The following FLI1 variants were observed in gnomAD, a reference collection of about 807,000 sequenced individuals.
The protein encoded by FLI1 is Friend leukemia integration 1 transcription factor.
A neutral mutation model predicts 53.1 loss-of-function variants in FLI1; 13 were observed. The observed-to-expected ratio is 0.24, with a 90% CI of 0.16 to 0.39. The LOEUF (loss-of-function observed/expected upper bound fraction) is 0.39, where lower values mean the gene tolerates loss of function less well. FLI1 is among the 10% of genes least tolerant of loss of function. The pLI is 1.00. For missense variants in FLI1, 424 were observed against 600.5 expected (o/e 0.71, Z 3.07); for synonymous variants, 244 against 236.7 (o/e 1.03, Z -0.28).
intron 1 of FLI1, among the ~76,000 whole-genome samples, 186 bp downstream of exon 1, chr11:128,694,462 GC>G (rs11297250): frequency 1 from 152,146 of 152,146 alleles, 76,073 homozygotes; most frequent in Non-Finnish European, 1. Flanking sequence ...CCGGCCAGGC[GC>G]CCGCATTGAG....
chr11:128,768,320 CTG>C, intron 3 of FLI1, 48 bp downstream of exon 3: 1 of 1,484,978 alleles, frequency 6.7e-7, no homozygotes, highest in South Asian at 1.1e-5. Flanking sequence ...TCCCCACTCT[CTG>C]GGGGGGCAGG....
intron 5 of FLI1, among the ~76,000 whole-genome samples, chr11:128,787,292 T>G (rs1180204996): frequency 3.3e-5 from 5 of 152,166 alleles, no homozygotes; most frequent in Non-Finnish European, 7.3e-5. Context: ...GCTGGTAGTA[T>G]TATTATCCCC....
intron 4 of FLI1, among the ~76,000 whole-genome samples, chr11:128,776,215 T>G (rs533099644): frequency 6.6e-6 from 1 of 152,250 alleles, no homozygotes; most frequent in African/African-American, 2.4e-5. Context: ...GGGAGGTGCT[T>G]GTTCTTCACA....
rs10557859 is a variant in FLI1 at position 128,698,711 on chromosome 11, C to CGT, written c.18+4457_18+4458dup. Among the ~76,000 whole-genome samples the CGT allele has an allele frequency of 1.5e-3, 217 of 144,522 alleles. 1 individual carries two copies. Among genetic ancestry groups the CGT allele is most frequent in the South Asian group, 9.7e-3 (43 of 4,436 alleles). 94.8% of individuals were successfully genotyped at this position (144,522 alleles called of 152,430 possible). A position where few individuals can be genotyped will look rare whatever the true frequency, so the allele number is the denominator to read the frequency against. Reference sequence around the variant, plus strand: ...TGGAGGCAGTGTGTGTATGTGTTTGCGTGTGTGTGTGTGTGTGTGTGTGAG... The same window carrying CGT: ...TGGAGGCAGTGTGTGTATGTGTTTGCGTGTGTGTGTGTGTGTGTGTGTGTGAG... On this transcript the variant is annotated intron_variant, in intron 1 of 8. Coordinates refer to ENST00000527786, the MANE Select transcript of FLI1 (RefSeq NM_002017.5).
chr11:128,799,280 C>A (rs1343467505), intron 5 of FLI1, among the ~76,000 whole-genome samples: 1 of 151,928 alleles, frequency 6.6e-6, no homozygotes, highest in Non-Finnish European at 1.5e-5. Context: ...GTCCTTCATC[C>A]TTTATAGCCC....
At chr11:128,779,088 T>C (rs1460973780) in intron 4 of FLI1, among the ~76,000 whole-genome samples, 1 of 152,234 alleles carries the variant, frequency 6.6e-6, no homozygotes, top group East Asian at 1.9e-4. Context: ...ATGCAAGCTT[T>C]GGAGAGGTCA....
intron 6 of FLI1, 98 bp from the exon 7 acceptor site, chr11:128,807,082 G>T: frequency 3.4e-6 from 2 of 590,272 alleles, no homozygotes; most frequent in Non-Finnish European, 5.8e-6. Context: ...AGTGGAGAGT[G>T]GGCGAAGGAA....
chr11:128,776,919 T>C (rs1181761325), intron 4 of FLI1, among the ~76,000 whole-genome samples: 1 of 150,862 alleles, frequency 6.6e-6, no homozygotes, highest in Non-Finnish European at 1.5e-5. Flanking sequence ...GCCCGGCCAC[T>C]TCCCCCACAG....
rs1938223014 is a variant in FLI1, at chr11:128,699,340, G to T, written c.18+5064G>T. On this transcript the variant is annotated intron_variant, in intron 1 of 8. Transcript: ENST00000527786. ...CAAAAAAATAGAAAGAAAGAAAAGA[G>T]TTGGGAAAATTTTTATATTGATAGT... Among the ~76,000 whole-genome samples the T allele has an allele frequency of 3.3e-5, 5 of 152,318 alleles. No homozygotes were observed. The South Asian group carries it at 1.0e-3, about 32-fold the overall frequency.
intron 6 of FLI1, chr11:128,806,900 G>A (rs2135918171): frequency 3.2e-6 from 1 of 309,966 alleles, no homozygotes; most frequent in East Asian, 5.1e-5. Flanking sequence ...TGACATTTAA[G>A]CAAAGACAAA....
intron 1 of FLI1, among the ~76,000 whole-genome samples, chr11:128,688,405 TGGC>T (rs1937619299): frequency 6.6e-6 from 1 of 152,216 alleles, no homozygotes; most frequent in South Asian, 2.1e-4. Flanking sequence ...GGTGCATTGA[TGGC>T]GGCGAAAGGT....
chr11:128,705,525 C>T (rs1294927193), intron 1 of FLI1, among the ~76,000 whole-genome samples: 1 of 152,130 alleles, frequency 6.6e-6, no homozygotes, highest in Non-Finnish European at 1.5e-5. Flanking sequence ...AAACTATACA[C>T]AATTTTTTTT....
At chr11:128,773,325 T>G (rs993379462) in intron 4 of FLI1, among the ~76,000 whole-genome samples, 1 of 152,196 alleles carries the variant, frequency 6.6e-6, no homozygotes, top group Admixed American at 6.5e-5. Flanking sequence ...CTGGCTGGTG[T>G]TTTCCTAAGT....
At chr11:128,726,114 C>T (rs1939462292) in intron 1 of FLI1, among the ~76,000 whole-genome samples, 2 of 152,122 alleles carry the variant, frequency 1.3e-5, no homozygotes, top group Admixed American at 6.5e-5. Flanking sequence ...CCAGAACCCC[C>T]GAGGTCCGGT....
chr11:128,769,159 A>G (rs1941463700), intron 3 of FLI1, among the ~76,000 whole-genome samples: 1 of 152,216 alleles, frequency 6.6e-6, no homozygotes, highest in African/African-American at 2.4e-5. Flanking sequence ...AAATAAAATC[A>G]TCGTTCAGTC....
At chr11:128,762,203 C>T (rs1007812242) in intron 2 of FLI1, among the ~76,000 whole-genome samples, 1 of 152,218 alleles carries the variant, frequency 6.6e-6, no homozygotes, top group African/African-American at 2.4e-5. Context: ...CTGTGCTTCT[C>T]CTATCCTCTG....
chr11:128,729,255 A>C (rs1020931882), intron 1 of FLI1, among the ~76,000 whole-genome samples: 1 of 152,182 alleles, frequency 6.6e-6, no homozygotes, highest in African/African-American at 2.4e-5. Context: ...AGCTTATTAT[A>C]TTTATCAACC....
chr11:128,808,632 T>A (rs1316836235), intron 7 of FLI1, among the ~76,000 whole-genome samples: 1 of 152,140 alleles, frequency 6.6e-6, no homozygotes, highest in African/African-American at 2.4e-5. Flanking sequence ...GAAAACTGAT[T>A]CCCAGAAATT....
chr11:128,802,443 GCTACTCTGA>G (rs1160682760), intron 5 of FLI1, among the ~76,000 whole-genome samples: 2 of 152,200 alleles, frequency 1.3e-5, no homozygotes, highest in African/African-American at 2.4e-5. Context: ...TGTGGTCTTT[GCTACTCTGA>G]CTCCACAGGC....
Sources: allele counts gnomAD v4.1 joint callset (sites outside exome capture counted in the v4.1 genomes callset), GRCh38; gene constraint gnomAD v4.1.1; transcripts MANE v1.5; gene names NCBI Gene and HGNC (gene_info 2026-07-23, HGNC 2026-07-21).